Variants in WDR59 observed in about 807,000 individuals in gnomAD.
WDR59 encodes the protein WD repeat domain 59.
A neutral mutation model predicts 131.2 loss-of-function variants in WDR59; 100 were observed. That is an observed-to-expected ratio of 0.76 (90% CI 0.65 to 0.90). The LOEUF is 0.90. WDR59 is among the 40% of genes least tolerant of loss of function. The pLI, the probability that WDR59 is intolerant of heterozygous loss-of-function variation, is 0.00. For synonymous variants in WDR59, 601 were observed against 466.2 expected (o/e 1.29, Z -3.72); for missense variants, 1,203 against 1,262.2 (o/e 0.95, Z 0.71).
At position 74,927,778 on chromosome 16, in the gene WDR59, C is replaced by A. The variant is rs28690219; in HGVS notation, c.652-3775G>T. 2.6e-3 allele frequency among the ~76,000 whole-genome samples: 394 copies of A among 151,738 alleles called. 1 individual carries two copies. The highest frequency in any genetic ancestry group is 8.9e-3 in the African/African-American group (369 of 41,374). On this transcript the variant is annotated intron_variant, in intron 8 of 25. Coordinates refer to ENST00000262144, the MANE Select transcript of WDR59 (RefSeq NM_030581.4). ...CACTTGGTGGCAGCAAGAGAAACTA[C>A]TCCATGGCTGTTTTTTTCAAAAGAT... is the stretch of plus-strand genomic sequence containing the variant.
chr16:74,913,070 TGGG>T (rs56771975), intron 13 of WDR59, among the ~76,000 whole-genome samples: 11,374 of 144,220 alleles, frequency 0.079, 743 homozygotes, highest in South Asian at 0.19. Flanking sequence ...GGCTAGATTT[TGGG>T]GGGGGGGGGG....
At chr16:74,938,350 T>C (rs1325114100) in intron 7 of WDR59, 84 bp from the exon 8 acceptor site, 2 of 948,044 alleles carry the variant, frequency 2.1e-6, no homozygotes, top group Non-Finnish European at 3.0e-6. Context: ...AGGTAGTGAG[T>C]GAGGATGCAA....
rs752100540 is a variant in WDR59, at chr16:74,923,907, G to A, written c.729+19C>T. The A allele has an allele frequency of 6.2e-7, 1 of 1,610,552 alleles. No homozygotes were observed. The highest frequency in any genetic ancestry group is 1.1e-5 in the South Asian group (1 of 89,978). On this transcript the variant is annotated intron_variant, in intron 9 of 25. Transcript: ENST00000262144. ...CCCAAAAAGAAGTTTCTTATCAAGA[G>A]GCAGGGTGGCTCACTCACTGTGTAT... is the stretch of plus-strand genomic sequence containing the variant.
At chr16:74,945,002 C>T (rs2032509684) in intron 6 of WDR59, among the ~76,000 whole-genome samples, 1 of 151,848 alleles carries the variant, frequency 6.6e-6, no homozygotes, top group African/African-American at 2.4e-5. Context: ...CCCATGCCTG[C>T]AGTCCCAGCT....
chr16:74,964,599 T>C (rs1466735745), intron 2 of WDR59, among the ~76,000 whole-genome samples: 1 of 152,184 alleles, frequency 6.6e-6, no homozygotes, highest in African/African-American at 2.4e-5. Flanking sequence ...TAAAACATAA[T>C]TTCAAAATAA....
chr16:74,892,674 A>G (rs1424189751), intron 19 of WDR59, 109 bp from the exon 20 acceptor site: 12 of 946,594 alleles, frequency 1.3e-5, no homozygotes, highest in Middle Eastern at 2.6e-4. Context: ...TTATCACTCA[A>G]AATGTTTTAT....
At position 74,886,348 on chromosome 16, in the gene WDR59, G is replaced by A. The variant is rs755057435; in HGVS notation, c.2468C>T (p.Pro823Leu). ...HLSSPWGESSPEELRFGSLTY... is the reference protein window; with the variant it reads ...HLSSPWGESSLEELRFGSLTY... ...CAGACTCCCAAAGCGGAGCTCTTCTGGTGAGGATTCTCCCCAAGGGGAGGA... is the reference window on the plus strand; with the variant it reads ...CAGACTCCCAAAGCGGAGCTCTTCTAGTGAGGATTCTCCCCAAGGGGAGGA... The change falls in exon 24 of 26, where the codon CCA becomes CTA. Residue 823 changes from proline to leucine, a missense_variant. Physicochemically the swap from Pro to Leu is moderately conservative, Grantham distance 98. Transcript: ENST00000262144. 1 of 1,613,908 alleles carries A rather than the reference G, an allele frequency of 6.2e-7. No homozygotes were observed. The highest frequency in any genetic ancestry group is 8.5e-7 in the Non-Finnish European group (1 of 1,179,984).
At chr16:74,965,064 C>CA (rs933653238) in intron 2 of WDR59, among the ~76,000 whole-genome samples, 188 of 134,238 alleles carry the variant, frequency 1.4e-3, no homozygotes, top group Non-Finnish European at 1.5e-3. Context: ...AACTCCGTCT[C>CA]AAAAAAAAAA....
intron 9 of WDR59, among the ~76,000 whole-genome samples, chr16:74,923,260 A>C (rs1421221579): frequency 6.6e-6 from 1 of 152,190 alleles, no homozygotes; most frequent in African/African-American, 2.4e-5. Context: ...GTATTAAATG[A>C]TAGAGCATGG....
At chr16:74,892,425 T>C (rs889478303) in intron 20 of WDR59, 59 bp downstream of exon 20, 2 of 1,401,482 alleles carry the variant, frequency 1.4e-6, no homozygotes, top group Admixed American at 1.9e-5. Context: ...AATGACAAAG[T>C]AAAAACAATT....
rs1006848424 is a variant in WDR59 at position 74,899,569 on chromosome 16, T to G, written c.1866+4378A>C. 4.5e-6 allele frequency: 3 copies of G among 667,374 alleles called. No homozygotes were observed. The South Asian group carries it at 5.0e-5, about 11-fold the overall frequency. 41.3% of individuals were successfully genotyped at this position (667,374 alleles called of 1,614,324 possible). A position where few individuals can be genotyped will look rare whatever the true frequency, so the allele number is the denominator to read the frequency against. ...GAACTCCCCCAAGCAAAAAATTGAC[T>G]GTTGCTGGTCCTGAAAACAGCTCGC... On this transcript the variant is annotated intron_variant, in intron 18 of 25. Transcript: ENST00000262144.
intron 25 of WDR59, among the ~76,000 whole-genome samples, chr16:74,881,463 A>G (rs1964479236): frequency 6.6e-6 from 1 of 151,638 alleles, no homozygotes; most frequent in Non-Finnish European, 1.5e-5. Context: ...AAGTGTTGGG[A>G]TTACAGGTGT....
At chr16:74,880,957 G>T (rs1020737774) in intron 25 of WDR59, among the ~76,000 whole-genome samples, 2 of 152,166 alleles carry the variant, frequency 1.3e-5, no homozygotes, top group Non-Finnish European at 2.9e-5. Flanking sequence ...TGAATATACT[G>T]AACCAGTAAA....
Position 74,893,815 on chromosome 16 carries a change from AGG to A in WDR59, c.1867-5_1867-4del, listed in dbSNP as rs113127978. The A allele has an allele frequency of 6.8e-6, 11 of 1,613,950 alleles. No homozygotes were observed. The highest frequency in any genetic ancestry group is 9.3e-6 in the Non-Finnish European group (11 of 1,179,988). On this transcript the variant is annotated splice_polypyrimidine_tract_variant and splice_region_variant and intron_variant, in intron 18 of 25. Coordinates refer to ENST00000262144, the MANE Select transcript of WDR59 (RefSeq NM_030581.4). ...TTACTTTTCCATCGTCTTGATTTCT[AGG>A]GGTAGATGACAGGATGTAACTAATG...
intron 17 of WDR59, among the ~76,000 whole-genome samples, chr16:74,908,315 G>A (rs1965919761): frequency 6.6e-6 from 1 of 152,146 alleles, no homozygotes; most frequent in Non-Finnish European, 1.5e-5. Context: ...CTACTTGGGA[G>A]GCTGAGGCAG....
At chr16:74,947,441 A>G (rs2032719264) in intron 6 of WDR59, among the ~76,000 whole-genome samples, 1 of 152,360 alleles carries the variant, frequency 6.6e-6, no homozygotes, top group South Asian at 2.1e-4. Flanking sequence ...TGGAGAAACC[A>G]CAGGATGAAC....
intron 18 of WDR59, among the ~76,000 whole-genome samples, chr16:74,901,031 G>C (rs1361170568): frequency 6.6e-6 from 1 of 152,242 alleles, no homozygotes; most frequent in African/African-American, 2.4e-5. Flanking sequence ...CCCGGAGGCA[G>C]AGGATGCAGT....
intron 17 of WDR59, 169 bp downstream of exon 17, chr16:74,908,738 GC>G (rs2144918796): frequency 1.8e-6 from 1 of 570,974 alleles, no homozygotes; most frequent in South Asian, 2.5e-5. Flanking sequence ...AGAAATCACA[GC>G]TTTTTTGCAA....
intron 6 of WDR59, among the ~76,000 whole-genome samples, chr16:74,947,419 G>A (rs1426592147): frequency 2.0e-5 from 3 of 152,116 alleles, no homozygotes. Context: ...TACAATCAGT[G>A]TAATCTAATT....
Sources: allele counts gnomAD v4.1 joint callset (sites outside exome capture counted in the v4.1 genomes callset), GRCh38; gene constraint gnomAD v4.1.1; transcripts MANE v1.5; gene names NCBI Gene and HGNC (gene_info 2026-07-23, HGNC 2026-07-21).